Variants in CCNH observed in about 807,000 individuals in gnomAD.
CCNH encodes the protein cyclin-H.
CCNH carries 31 observed loss-of-function variants against 41.9 expected under a neutral mutation model. The ratio of observed to expected loss-of-function variants is 0.74; its 90% CI spans 0.56 to 1.00. The LOEUF (loss-of-function observed/expected upper bound fraction) is 1.00, where lower values mean the gene tolerates loss of function less well. Ranked by LOEUF, CCNH falls within the 50% of genes least tolerant of loss-of-function variation. The probability of loss-of-function intolerance (pLI) is 0.00; values close to 1 mark genes in which losing one functional copy is unlikely to be tolerated. For synonymous variants in CCNH, 138 were observed against 136.1 expected (o/e 1.01, Z -0.10); for missense variants, 362 against 388.4 (o/e 0.93, Z 0.57).
chr5:87,331,682 T>G (rs1250633984), intron 9 of CCNH, among the ~76,000 whole-genome samples: 1 of 152,210 alleles, frequency 6.6e-6, no homozygotes, highest in African/African-American at 2.4e-5. Flanking sequence ...ACATTTTTTG[T>G]TTAAAAACAA....
At chr5:87,352,748 T>C (rs1263813540) in intron 9 of CCNH, among the ~76,000 whole-genome samples, 2 of 151,894 alleles carry the variant, frequency 1.3e-5, no homozygotes, top group Non-Finnish European at 2.9e-5. Context: ...ATAAAAATTC[T>C]TAATTTACCT....
downstream of CCNH, chr5:87,374,457 ATAT>A (rs1461925701): frequency 7.6e-4 from 186 of 243,940 alleles, no homozygotes; most frequent in African/African-American, 1.2e-3. Flanking sequence ...ATATATATAT[ATAT>A]TTTTTTTTTT....
chr5:87,329,866 C>T (rs770130402), intron 9 of CCNH, among the ~76,000 whole-genome samples: 3 of 152,018 alleles, frequency 2.0e-5, no homozygotes, highest in Middle Eastern at 3.2e-3. Flanking sequence ...TCTCTTATGT[C>T]GTTAAATTAT....
At chr5:87,319,934 T>C (rs1184391885) in intron 9 of CCNH, among the ~76,000 whole-genome samples, 1 of 152,244 alleles carries the variant, frequency 6.6e-6, no homozygotes, top group East Asian at 1.9e-4. Flanking sequence ...TTCATACATA[T>C]GAGCATATAC....
At position 87,412,816 on chromosome 5, in the gene CCNH, A is replaced by G. The variant is rs1764375189; in HGVS notation, c.-22T>C. 1 of 1,610,942 alleles carries G rather than the reference A, an allele frequency of 6.2e-7. No individual in the cohort carries two copies. ...ACATTATGGAATCGTGACCAGGTCC[A>G]GAGGGTCTGCAGACGAGAACCCAAA... On this transcript the variant is annotated 5_prime_UTR_variant, in exon 1 of 9. Coordinates refer to ENST00000256897, the MANE Select transcript of CCNH (RefSeq NM_001239.4).
chr5:87,380,639 G>A (rs376341859), upstream of CCNH: 8 of 1,479,968 alleles, frequency 5.4e-6, no homozygotes, highest in Non-Finnish European at 7.6e-6. Flanking sequence ...ACTAATAGGT[G>A]GATAATTGTG....
upstream of CCNH, chr5:87,377,294 A>G: frequency 2.0e-6 from 1 of 497,460 alleles, no homozygotes; most frequent in Non-Finnish European, 3.6e-6. Flanking sequence ...CTGTGTCTAC[A>G]TCAATGGCTT....
intron 9 of CCNH, among the ~76,000 whole-genome samples, chr5:87,360,127 T>TTG (rs950704346): frequency 1.9e-4 from 29 of 151,196 alleles, no homozygotes; most frequent in African/African-American, 6.6e-4. Context: ...AAATGCAGTT[T>TTG]TTTTTTTTTT....
intron 9 of CCNH, among the ~76,000 whole-genome samples, chr5:87,370,089 T>G (rs1483382327): frequency 6.6e-6 from 1 of 152,136 alleles, no homozygotes; most frequent in Non-Finnish European, 1.5e-5. Flanking sequence ...ACAAACACAG[T>G]GAAGGGTTAT....
downstream of CCNH, chr5:87,392,248 C>A: frequency 8.8e-6 from 4 of 456,186 alleles, no homozygotes; most frequent in Non-Finnish European, 1.8e-5. Context: ...TATGCTATTC[C>A]TCTAATGTAT....
rs1412604470 is a variant in CCNH, at chr5:87,412,744, C to T, written c.51G>A (p.Glu17=). ...QKRHWTFSSE[E]QLARLRADAN... Reference sequence around the variant, plus strand: ...CGTCAGCCCGCAGTCTTGCCAGCTGCTCCTCGCTGGAGAAGGTCCAGTGCC... The same window carrying T: ...CGTCAGCCCGCAGTCTTGCCAGCTGTTCCTCGCTGGAGAAGGTCCAGTGCC... Residue 17 remains glutamate (E), a synonymous_variant, in exon 1 of 9, where the codon GAG becomes GAA. Transcript: ENST00000256897. 6.2e-7 allele frequency: 1 copy of T among 1,614,234 alleles called. No homozygotes were observed. The highest frequency in any genetic ancestry group is 8.5e-7 in the Non-Finnish European group (1 of 1,180,030).
chr5:87,374,460 T>TA (rs375254139), downstream of CCNH: 10,079 of 122,712 alleles, frequency 0.082, 305 homozygotes, highest in East Asian at 0.27. Flanking sequence ...TATATATATA[T>TA]TTTTTTTTTT....
chr5:87,379,740 T>A, upstream of CCNH: 1 of 1,612,058 alleles, frequency 6.2e-7, no homozygotes, highest in Non-Finnish European at 8.5e-7. Context: ...TTTAGTTAAG[T>A]CCATCAAAGT....
rs776195697 is a variant in CCNH, at chr5:87,332,487, A to AT, written c.*91-13591dup. The stretch of plus-strand genomic sequence containing the variant: ...GGCTGTAAAGATTTTTTTATACTGT[A>AT]TTTTTTCCTGTTCAAATAGGATTAT... On this transcript the variant is annotated intron_variant and NMD_transcript_variant, in intron 9 of 9. Transcript: ENST00000645953. 219 of 1,597,130 alleles carry AT rather than the reference A, an allele frequency of 1.4e-4. 1 individual carries two copies. In the Admixed American group the frequency reaches 3.5e-3, roughly 25 times the overall value.
chr5:87,395,250 G>C (rs893383890), intron 7 of CCNH, 146 bp from the exon 8 acceptor site: 10 of 558,240 alleles, frequency 1.8e-5, no homozygotes, highest in African/African-American at 1.7e-4. Flanking sequence ...ACAGCTATGG[G>C]GTAGGGAAAA....
At chr5:87,381,650 C>G (rs1296627856), upstream of CCNH, among the ~76,000 whole-genome samples, 1 of 152,218 alleles carries the variant, frequency 6.6e-6, no homozygotes, top group African/African-American at 2.4e-5. Flanking sequence ...ACTACAGATT[C>G]TGTTTTTCTT....
chr5:87,378,511 G>T (rs1483075502), upstream of CCNH: 1 of 1,611,664 alleles, frequency 6.2e-7, no homozygotes, highest in East Asian at 2.2e-5. Context: ...CTATTTTAAA[G>T]ATAATGGAAA....
At chr5:87,332,668 T>C in intron 9 of CCNH, 1 of 1,590,456 alleles carries the variant, frequency 6.3e-7, no homozygotes, top group South Asian at 1.1e-5. Flanking sequence ...AAAATATCTT[T>C]CAAAACTTTA....
At position 87,362,581 on chromosome 5, in the gene CCNH, G is replaced by A. The variant is rs2112456602; in HGVS notation, c.*90+30189C>T. ...AGAACAAGTACTCAATGACACAGTG[G>A]ATGGCAAGGAAATCTATAATACCAT... On this transcript the variant is annotated intron_variant and NMD_transcript_variant, in intron 9 of 9. Coordinates refer to the CCNH transcript ENST00000645953. 1 of 1,596,102 alleles carries A rather than the reference G, an allele frequency of 6.3e-7. No homozygotes were observed. Among genetic ancestry groups the A allele is most frequent in the Middle Eastern group, 1.7e-4 (1 of 5,964 alleles).
Sources: gnomAD v4.1 joint callset for allele counts (sites outside exome capture counted in the v4.1 genomes callset) on GRCh38, gnomAD v4.1.1 for gene constraint, MANE v1.5 for transcripts, NCBI Gene and HGNC (gene_info 2026-07-23, HGNC 2026-07-21) for gene names.